ZFAT: variants seen among roughly 807,000 people sequenced by gnomAD.
ZFAT encodes the protein zinc finger and AT-hook domain containing, also known as zinc finger protein ZFAT.
In ZFAT, 64 loss-of-function variants were observed where a neutral mutation model predicts 117.7. The ratio of observed to expected loss-of-function variants is 0.54; its 90% CI spans 0.44 to 0.67. The LOEUF is 0.67. ZFAT is among the 30% of genes least tolerant of loss of function. The pLI, the probability that ZFAT is intolerant of heterozygous loss-of-function variation, is 0.00. For missense variants in ZFAT, 1,433 were observed against 1,584.5 expected (o/e 0.90, Z 1.62); for synonymous variants, 679 against 615.0 (o/e 1.10, Z -1.54).
the ZFAT span, among the ~76,000 whole-genome samples, chr8:134,743,354 T>G: frequency 6.6e-6 from 1 of 152,066 alleles, no homozygotes. Context: ...CTGGGTCTGG[T>G]GATGGGCGCC....
chr8:134,701,560 T>C (rs1282103592), intron 1 of ZFAT, among the ~76,000 whole-genome samples: 2 of 152,212 alleles, frequency 1.3e-5, no homozygotes, highest in African/African-American at 4.8e-5. Context: ...GGTAATTCTA[T>C]CTGTAATTTT....
the ZFAT span, chr8:134,793,234 G>A: frequency 2.6e-5 from 4 of 152,132 alleles, no homozygotes; most frequent in Admixed American, 1.3e-4. Context: ...GAAGGGAAGT[G>A]GACACACAGA....
chr8:134,819,540 A>G, the ZFAT span, among the ~76,000 whole-genome samples: 4 of 113,776 alleles, frequency 3.5e-5, no homozygotes, highest in East Asian at 9.1e-4. Flanking sequence ...GCTCTGATTA[A>G]TAAGGAACTG....
At chr8:134,494,406 G>A (rs571457008) in intron 15 of ZFAT, among the ~76,000 whole-genome samples, 87 of 152,104 alleles carry the variant, frequency 5.7e-4, no homozygotes, top group Non-Finnish European at 1.2e-3. Flanking sequence ...GGACAGGATC[G>A]ATCCGCTGCC....
At position 134,509,706 on chromosome 8, in the gene ZFAT, G is replaced by C; in HGVS notation, c.3405C>G (p.Ile1135Met). Reference protein sequence around the residue: ...DPTAVNILQQIIELGAETHDA... With the variant: ...DPTAVNILQQMIELGAETHDA... ...CATGGGTCTCGGCGCCCAGCTCAAT[G>C]ATCTGCTGCAGGATGTTCACGGCCG... The change falls in exon 15 of 16, where the codon ATC (isoleucine) becomes ATG (methionine). Residue 1135 changes from isoleucine (I) to methionine (M), a missense_variant. Physicochemically the swap from Ile to Met is conservative, Grantham distance 10 (BLOSUM62 1). Coordinates refer to ENST00000377838, the MANE Select transcript of ZFAT (RefSeq NM_020863.4). The C allele has an allele frequency of 6.2e-7, 1 of 1,611,698 alleles. No homozygotes were observed. Among genetic ancestry groups the C allele is most frequent in the Non-Finnish European group, 8.5e-7 (1 of 1,179,276 alleles).
chr8:134,523,169 A>G (rs1048273182), intron 12 of ZFAT, among the ~76,000 whole-genome samples: 1 of 151,800 alleles, frequency 6.6e-6, no homozygotes, highest in African/African-American at 2.4e-5. Context: ...TGCAAGTACC[A>G]CTCCACTGAA....
chr8:134,757,802 C>A, the ZFAT span, among the ~76,000 whole-genome samples: 695 of 152,206 alleles, frequency 4.6e-3, 5 homozygotes, highest in African/African-American at 0.016. Flanking sequence ...GTGGCTGCCT[C>A]CTGGTGATGC....
chr8:134,817,407 A>T, the ZFAT span, among the ~76,000 whole-genome samples: 13 of 95,016 alleles, frequency 1.4e-4, no homozygotes, highest in African/African-American at 5.2e-4. Context: ...ACACACACAC[A>T]CACACACACA....
chr8:134,617,355 AT>A (rs1828821606), intron 3 of ZFAT, among the ~76,000 whole-genome samples: 1 of 152,176 alleles, frequency 6.6e-6, no homozygotes, highest in African/African-American at 2.4e-5. Context: ...TCAATCCAAA[AT>A]ATCTTGTTTT....
At chr8:134,543,891 C>G (rs79169858) in intron 11 of ZFAT, among the ~76,000 whole-genome samples, 3,032 of 152,260 alleles carry the variant, frequency 0.02, 113 homozygotes, top group African/African-American at 0.069. Flanking sequence ...ACAATGCCCC[C>G]TCTTATGCTT....
At chr8:134,499,345 C>T (rs1487504626) in intron 15 of ZFAT, among the ~76,000 whole-genome samples, 20 of 145,888 alleles carry the variant, frequency 1.4e-4, no homozygotes, top group Admixed American at 1.3e-3. Context: ...TGGGATGCCC[C>T]AGCTGCTGGT....
intron 10 of ZFAT, among the ~76,000 whole-genome samples, chr8:134,571,279 G>C (rs956111327): frequency 2.0e-5 from 3 of 152,246 alleles, no homozygotes; most frequent in Admixed American, 2.0e-4. Context: ...AGGCTGTCAG[G>C]GAAGGCCTCT....
chr8:134,638,549 C>CAAAAAAAAAAAAAAAAAAAAAAAAAA (rs758050176), intron 2 of ZFAT, among the ~76,000 whole-genome samples: 2 of 101,076 alleles, frequency 2.0e-5, no homozygotes, highest in African/African-American at 7.5e-5. Context: ...ACTAAAAATA[C>CAAAAAAAAAAAAAAAAAAAAAAAAAA]AAAAAAAAAA....
intron 1 of ZFAT, among the ~76,000 whole-genome samples, chr8:134,674,213 C>A (rs1308377162): frequency 1.3e-5 from 2 of 152,208 alleles, no homozygotes; most frequent in Non-Finnish European, 2.9e-5. Context: ...AGAGGCTGTA[C>A]CGGGAGGAAT....
the ZFAT span, among the ~76,000 whole-genome samples, chr8:134,719,459 C>A: frequency 0.37 from 55,889 of 151,806 alleles, 10,321 homozygotes; most frequent in South Asian, 0.4. Context: ...GCAGCAGCAG[C>A]GAGGGTGAGA....
At chr8:134,832,007 A>C in the ZFAT span, among the ~76,000 whole-genome samples, 1 of 146,686 alleles carries the variant, frequency 6.8e-6, no homozygotes, top group East Asian at 2.2e-4. Flanking sequence ...GGGTCGGGCG[A>C]GGAGGCCGCC....
At chr8:134,671,029 T>C (rs1832535529) in intron 1 of ZFAT, among the ~76,000 whole-genome samples, 1 of 152,116 alleles carries the variant, frequency 6.6e-6, no homozygotes, top group Admixed American at 6.5e-5. Flanking sequence ...CCTGGACACA[T>C]ACACCCTCCC....
the ZFAT span, among the ~76,000 whole-genome samples, chr8:134,826,989 AAAAG>A: frequency 2.0e-5 from 3 of 152,318 alleles, no homozygotes; most frequent in Admixed American, 6.5e-5. Context: ...TTTAGGGAGA[AAAAG>A]AAATTGCAAT....
chr8:134,490,196 A>C (rs1817950669), intron 15 of ZFAT, among the ~76,000 whole-genome samples: 2 of 152,242 alleles, frequency 1.3e-5, no homozygotes, highest in Admixed American at 1.3e-4. Flanking sequence ...GATGGGAGAC[A>C]CAGAATCTGA....
Sources: gnomAD v4.1 joint callset for allele counts (sites outside exome capture counted in the v4.1 genomes callset) on GRCh38, gnomAD v4.1.1 for gene constraint, MANE v1.5 for transcripts, NCBI Gene and HGNC (gene_info 2026-07-23, HGNC 2026-07-21) for gene names.